Variants in LARP1 observed in about 807,000 individuals in gnomAD.
LARP1 encodes the protein La ribonucleoprotein 1, translational regulator, also known as la-related protein 1.
A neutral mutation model predicts 122.7 loss-of-function variants in LARP1; 36 were observed. That is an observed-to-expected ratio of 0.29 (90% CI 0.22 to 0.39). The LOEUF is 0.39. LARP1 is among the 10% of genes least tolerant of loss of function. The pLI is 1.00. For synonymous variants in LARP1, 539 were observed against 528.7 expected (o/e 1.02, Z -0.27); for missense variants, 1,040 against 1,403.6 (o/e 0.74, Z 4.14).
At chr5:154,734,895 TATCTC>T (rs1756789639) in intron 1 of LARP1, among the ~76,000 whole-genome samples, 1 of 152,166 alleles carries the variant, frequency 6.6e-6, no homozygotes, top group Non-Finnish European at 1.5e-5. Context: ...TGACTTTAGA[TATCTC>T]ATATAAGTGG....
intron 1 of LARP1, among the ~76,000 whole-genome samples, chr5:154,696,814 A>G (rs553259305): frequency 1.3e-5 from 2 of 152,338 alleles, no homozygotes; most frequent in East Asian, 3.9e-4. Context: ...CGCAAGCCTG[A>G]GAGAAGGATC....
chr5:154,685,326 T>C (rs6898624), intron 1 of LARP1, among the ~76,000 whole-genome samples: 6,461 of 151,978 alleles, frequency 0.043, 219 homozygotes, highest in Admixed American at 0.11. Flanking sequence ...TACCCCTTAA[T>C]GCTCTCCTAC....
intron 1 of LARP1, among the ~76,000 whole-genome samples, chr5:154,772,473 A>G (rs1755518509): frequency 6.6e-6 from 1 of 152,212 alleles, no homozygotes; most frequent in Non-Finnish European, 1.5e-5. Context: ...CCCGTTGTCT[A>G]TGGGGGATAC....
rs1290547488 is a variant in LARP1 at position 154,798,877 on chromosome 5, T to A, written c.1378-714T>A. Among the ~76,000 whole-genome samples the A allele has an allele frequency of 2.0e-5, 3 of 152,022 alleles. No individual in the cohort carries two copies. The East Asian group carries it at 5.8e-4, about 29-fold the overall frequency. The stretch of plus-strand genomic sequence containing the variant: ...TTTTTTTGTTTGTTTGTTTGTTTGT[T>A]TGTTTGAGACGGAGTCTCGCCCTGT... On this transcript the variant is annotated intron_variant, in intron 8 of 18. Transcript: ENST00000518297.
upstream of LARP1, among the ~76,000 whole-genome samples, chr5:154,753,751 C>T (rs934958499): frequency 1.3e-5 from 2 of 152,166 alleles, no homozygotes; most frequent in African/African-American, 4.8e-5. Flanking sequence ...CTGAATAACC[C>T]AAGAGTTGGA....
At chr5:154,759,109 T>G (rs2113575009) in intron 1 of LARP1, among the ~76,000 whole-genome samples, 1 of 152,356 alleles carries the variant, frequency 6.6e-6, no homozygotes, top group Middle Eastern at 3.4e-3. Flanking sequence ...TAGCTGTGCT[T>G]CCTTGGGCAA....
At chr5:154,796,510 T>TC (rs1401161081) in intron 8 of LARP1, among the ~76,000 whole-genome samples, 3 of 152,162 alleles carry the variant, frequency 2.0e-5, no homozygotes, top group African/African-American at 2.4e-5. Flanking sequence ...TCATCTGTAC[T>TC]CCAAGTTTTT....
At chr5:154,761,723 G>A (rs1754464297) in intron 1 of LARP1, among the ~76,000 whole-genome samples, 1 of 152,166 alleles carries the variant, frequency 6.6e-6, no homozygotes, top group South Asian at 2.1e-4. Context: ...GTAAGTTTTG[G>A]TACCTCGCTG....
At chr5:154,806,611 G>A (rs1350960801) in intron 15 of LARP1, among the ~76,000 whole-genome samples, 2 of 152,222 alleles carry the variant, frequency 1.3e-5, no homozygotes, top group Non-Finnish European at 2.9e-5. Context: ...TAAGGAACGA[G>A]CCTGTCTAGA....
intron 1 of LARP1, among the ~76,000 whole-genome samples, chr5:154,772,891 C>T (rs1343785088): frequency 2.0e-5 from 3 of 151,066 alleles, no homozygotes; most frequent in African/African-American, 4.9e-5. Context: ...TTTTCCGTGT[C>T]GGTCAGTCTG....
intron 1 of LARP1, among the ~76,000 whole-genome samples, chr5:154,702,409 T>TC (rs1455406682): frequency 6.6e-6 from 1 of 151,222 alleles, no homozygotes; most frequent in African/African-American, 2.4e-5. Context: ...TACAAAAATT[T>TC]CCCGGGCGTG....
intron 13 of LARP1, 119 bp from the exon 14 acceptor site, chr5:154,804,082 A>G (rs1758559050): frequency 6.5e-6 from 5 of 765,372 alleles, no homozygotes; most frequent in Non-Finnish European, 9.2e-6. Context: ...ACGAGAATGA[A>G]TATGAAAATG....
At chr5:154,751,009 C>T (rs1753456408), upstream of LARP1, among the ~76,000 whole-genome samples, 1 of 152,030 alleles carries the variant, frequency 6.6e-6, no homozygotes, top group Non-Finnish European at 1.5e-5. Context: ...TTTTTTTGGC[C>T]TCTCTTTTTT....
intron 1 of LARP1, among the ~76,000 whole-genome samples, chr5:154,687,908 G>A (rs7704667): frequency 5.9e-5 from 9 of 152,182 alleles, no homozygotes; most frequent in African/African-American, 1.9e-4. Context: ...CTGGCCCAGG[G>A]AAGAAGTTGG....
rs1759710269 is a variant in LARP1 at position 154,816,958 on chromosome 5, G to C, written c.*2862G>C. ...AGCCTGGACCCCTGGGGCTCAGATA[G>C]AGGTGCTGAGCCCCTGTGTCAAAGT... On this transcript the variant is annotated 3_prime_UTR_variant, in exon 19 of 19. Transcript: ENST00000518297. The C allele has an allele frequency of 6.6e-6, 1 of 152,166 alleles. No individual in the cohort carries two copies. Among genetic ancestry groups the C allele is most frequent in the South Asian group, 2.1e-4 (1 of 4,830 alleles). The allele number at this position is 152,166 out of a possible 1,614,324, so 9.4% of individuals were successfully genotyped here. A position where few individuals can be genotyped will look rare whatever the true frequency, so the allele number is the denominator to read the frequency against.
chr5:154,715,621 G>C (rs1485643991), intron 1 of LARP1, among the ~76,000 whole-genome samples: 5 of 152,138 alleles, frequency 3.3e-5, no homozygotes, highest in African/African-American at 1.2e-4. Context: ...TTGGTAACCA[G>C]CCTTGGCATC....
At chr5:154,690,611 C>G (rs544389678) in intron 1 of LARP1, among the ~76,000 whole-genome samples, 1 of 152,242 alleles carries the variant, frequency 6.6e-6, no homozygotes, top group African/African-American at 2.4e-5. Context: ...CCGCCACTAC[C>G]TCCACGCACC....
rs1561624688 is a variant in LARP1, at chr5:154,802,171, T to A, written c.1881T>A (p.Ser627=). ...GGAAGAACACCTTCACTGCCTGGTC[T>A]GATGAGGAATCTGACTATGAGATTG... The part of the protein sequence containing the change: ...DGRKNTFTAW[S]DEESDYEIDD... Residue 627 remains serine, a synonymous_variant, in exon 11 of 19, where the codon TCT becomes TCA. Transcript: ENST00000518297. This position sits in a 1 kb window ranked among gnomAD's most constrained non-coding sequence, Gnocchi z 5.1. The A allele has an allele frequency of 6.2e-7, 1 of 1,614,190 alleles. No individual in the cohort carries two copies. Among genetic ancestry groups the A allele is most frequent in the Non-Finnish European group, 8.5e-7 (1 of 1,180,046 alleles).
At chr5:154,722,588 G>A (rs1389525618) in intron 1 of LARP1, among the ~76,000 whole-genome samples, 1 of 151,974 alleles carries the variant, frequency 6.6e-6, no homozygotes, top group Non-Finnish European at 1.5e-5. Context: ...AGATCACCAG[G>A]AACAGGATAT....
Sources: gnomAD v4.1 joint callset for allele counts (sites outside exome capture counted in the v4.1 genomes callset) on GRCh38, gnomAD v4.1.1 for gene constraint, Gnocchi (gnomAD v3.1) non-coding constraint, MANE v1.5 for transcripts, NCBI Gene and HGNC (gene_info 2026-07-23, HGNC 2026-07-21) for gene names.